Variants in TPRG1 observed in about 807,000 individuals in gnomAD.
TPRG1 encodes the protein tumor protein p63-regulated gene 1 protein.
A neutral mutation model predicts 29.3 loss-of-function variants in TPRG1; 29 were observed. The ratio of observed to expected loss-of-function variants is 0.99; its 90% CI spans 0.74 to 1.35. The LOEUF (loss-of-function observed/expected upper bound fraction) is 1.35. Ranked by LOEUF, TPRG1 falls within the 40% of genes most tolerant of loss-of-function variation. The pLI is 0.00. For synonymous variants in TPRG1, 130 were observed against 116.8 expected, an observed-to-expected ratio of 1.11 and a Z score of -0.73; for missense variants, 327 against 335.0, an observed-to-expected ratio of 0.98 and a Z score of 0.19.
At chr3:189,304,781 A>G (rs1056592677) in intron 4 of TPRG1, among the ~76,000 whole-genome samples, 1 of 152,124 alleles carries the variant, frequency 6.6e-6, no homozygotes, top group Non-Finnish European at 1.5e-5. Flanking sequence ...TGGGCCTAGA[A>G]GTCTGCCTTT....
intron 1 of TPRG1, among the ~76,000 whole-genome samples, chr3:189,000,473 C>A (rs1322360878): frequency 6.6e-6 from 1 of 151,884 alleles, no homozygotes. Context: ...TTTTTGTTCT[C>A]CTTTAATTTA....
chr3:189,254,281 C>T (rs1004705340), intron 4 of TPRG1, among the ~76,000 whole-genome samples: 1 of 152,126 alleles, frequency 6.6e-6, no homozygotes, highest in African/African-American at 2.4e-5. Context: ...ATAGGGAATC[C>T]TTTCCCCATT....
chr3:189,133,817 A>C (rs1335660848), intron 3 of TPRG1, among the ~76,000 whole-genome samples: 1 of 152,134 alleles, frequency 6.6e-6, no homozygotes, highest in East Asian at 1.9e-4. Context: ...TGAATTTCTA[A>C]CCTAGTCTAT....
At chr3:189,013,253 T>C (rs114359852) in intron 3 of TPRG1, among the ~76,000 whole-genome samples, 1,599 of 152,296 alleles carry the variant, frequency 0.01, 11 homozygotes, top group Middle Eastern at 0.02. Flanking sequence ...ACCTTCTTGA[T>C]TTCTACCTTA....
In TPRG1 at chr3:189,022,933, G is replaced by A. The variant is rs150968236; in HGVS notation, c.-659-817G>A. Among the ~76,000 whole-genome samples the A allele has an allele frequency of 6.6e-3, 1,010 of 152,346 alleles. 8 individuals carry two copies. The highest frequency in any genetic ancestry group is 0.027 in the Middle Eastern group (8 of 294). Reference sequence around the variant, plus strand: ...GGTGCCGGATATAATCTCATGGTGCGCAGTTTTTTAAGCCCGTCGGAAAAG... The same window carrying A: ...GGTGCCGGATATAATCTCATGGTGCACAGTTTTTTAAGCCCGTCGGAAAAG... On this transcript the variant is annotated intron_variant, in intron 3 of 10. Coordinates refer to the TPRG1 transcript ENST00000433971.
intron 1 of TPRG1, among the ~76,000 whole-genome samples, chr3:189,178,544 G>A (rs1320287668): frequency 5.3e-5 from 8 of 152,118 alleles, no homozygotes; most frequent in Admixed American, 1.3e-4. Context: ...AATATGCTTC[G>A]TAGAGTTTGT....
rs562200456 is a variant in TPRG1, at chr3:189,157,848, C to G, written c.-10+6976C>G. ...GTTATTATGACTCCCTCCATTCCTT[C>G]TCCTTCCGGCTGTAGCAAATCTGGC... On this transcript the variant is annotated intron_variant, in intron 5 of 6. Coordinates refer to the TPRG1 transcript ENST00000412373. Among the ~76,000 whole-genome samples, 4 of 152,272 alleles carry G rather than the reference C, an allele frequency of 2.6e-5. No homozygotes were observed. In the East Asian group the frequency reaches 5.8e-4, roughly 22 times the overall value.
At chr3:189,029,945 T>G (rs1235932000) in intron 4 of TPRG1, among the ~76,000 whole-genome samples, 1 of 152,228 alleles carries the variant, frequency 6.6e-6, no homozygotes, top group Non-Finnish European at 1.5e-5. Flanking sequence ...ATCAGCATCA[T>G]GCTTCCTGTA....
intron 3 of TPRG1, among the ~76,000 whole-genome samples, chr3:189,234,463 C>T (rs776700653): frequency 3.9e-5 from 6 of 152,156 alleles, no homozygotes; most frequent in Non-Finnish European, 5.9e-5. Flanking sequence ...GATACAAAAT[C>T]GGAAGGATAC....
At chr3:189,145,435 G>A (rs1437643345) in intron 3 of TPRG1, among the ~76,000 whole-genome samples, 1 of 151,382 alleles carries the variant, frequency 6.6e-6, no homozygotes, top group East Asian at 1.9e-4. Flanking sequence ...GCGTAATATA[G>A]TAAGGAGAAA....
intron 5 of TPRG1, among the ~76,000 whole-genome samples, chr3:189,158,280 G>T (rs1299804233): frequency 6.6e-6 from 1 of 152,122 alleles, no homozygotes; most frequent in African/African-American, 2.4e-5. Context: ...GCAGCTGGGG[G>T]AACTGAGCGG....
chr3:189,212,253 G>A (rs566791769), intron 2 of TPRG1: 19 of 152,160 alleles, frequency 1.2e-4, no homozygotes, highest in Middle Eastern at 3.4e-3. Context: ...ATGGTTCCCC[G>A]TGGCGTTTTT....
At chr3:189,219,596 G>A (rs535945230) in intron 3 of TPRG1, 432 of 1,287,890 alleles carry the variant, frequency 3.4e-4, no homozygotes, top group Middle Eastern at 4.3e-4. Flanking sequence ...GCACCAAGGA[G>A]AACATCTTGA....
intron 4 of TPRG1, among the ~76,000 whole-genome samples, chr3:189,299,319 G>A (rs144845020): frequency 1.5e-3 from 233 of 152,122 alleles, no homozygotes; most frequent in African/African-American, 5.2e-3. Flanking sequence ...CTCTTGGCAC[G>A]GAAAGCCTTC....
At chr3:189,257,309 C>A (rs1435806143) in intron 4 of TPRG1, among the ~76,000 whole-genome samples, 1 of 152,158 alleles carries the variant, frequency 6.6e-6, no homozygotes, top group African/African-American at 2.4e-5. Flanking sequence ...AAATTCTTTT[C>A]TTTAAGAATG....
intron 4 of TPRG1, 156 bp from the exon 5 acceptor site, chr3:189,310,230 A>G: frequency 3.8e-6 from 2 of 530,082 alleles, no homozygotes; most frequent in East Asian, 3.3e-5. Flanking sequence ...TCCTATTTTT[A>G]AAACCTAATT....
At chr3:189,285,150 C>T (rs574738470) in intron 4 of TPRG1, among the ~76,000 whole-genome samples, 108 of 152,294 alleles carry the variant, frequency 7.1e-4, no homozygotes, top group African/African-American at 2.5e-3. Flanking sequence ...AGCCACTTCT[C>T]AAAAGAAGAC....
intron 4 of TPRG1, among the ~76,000 whole-genome samples, chr3:189,077,887 A>G (rs1419176484): frequency 1.3e-5 from 2 of 152,160 alleles, no homozygotes; most frequent in Admixed American, 6.6e-5. Context: ...TAAACTTAAT[A>G]TAGTTTACCT....
chr3:189,319,304 A>G (rs983852302), intron 5 of TPRG1, among the ~76,000 whole-genome samples: 5 of 152,086 alleles, frequency 3.3e-5, no homozygotes, highest in Non-Finnish European at 5.9e-5. Flanking sequence ...AAAATCTCTA[A>G]GAGGATTTCT....
Sources: gnomAD v4.1 joint callset for allele counts (sites outside exome capture counted in the v4.1 genomes callset) on GRCh38, gnomAD v4.1.1 for gene constraint, MANE v1.5 for transcripts, NCBI Gene and HGNC (gene_info 2026-07-23, HGNC 2026-07-21) for gene names.